PCDH9: variants seen among roughly 807,000 people sequenced by gnomAD.
The protein encoded by PCDH9 is protocadherin-9.
A neutral mutation model predicts 70.6 loss-of-function variants in PCDH9; 24 were observed. The ratio of observed to expected loss-of-function variants is 0.34; its 90% CI spans 0.25 to 0.48. The LOEUF is 0.48. Ranked by LOEUF, PCDH9 falls within the 20% of genes least tolerant of loss-of-function variation. PCDH9 has a pLI of 0.99. For missense variants in PCDH9, 1,281 were observed against 1,503.6 expected (o/e 0.85, Z 2.45); for synonymous variants, 562 against 558.5 (o/e 1.01, Z -0.09).
intron 4 of PCDH9, among the ~76,000 whole-genome samples, chr13:66,491,458 G>A (rs1959033336): frequency 6.7e-6 from 1 of 148,414 alleles, no homozygotes; most frequent in African/African-American, 2.5e-5. Flanking sequence ...ATGTAGTGAG[G>A]AACTACAGTA....
At position 66,698,960 on chromosome 13, in the gene PCDH9, G is replaced by A. The variant is rs569716390; in HGVS notation, c.3139-67549C>T. Among the ~76,000 whole-genome samples, 30 of 141,062 alleles carry A rather than the reference G, an allele frequency of 2.1e-4. No homozygotes were observed. In the Admixed American group the frequency reaches 2.4e-3, roughly 11 times the overall value. 92.5% of individuals were successfully genotyped at this position (141,062 alleles called of 152,430 possible). On this transcript the variant is annotated intron_variant, in intron 3 of 4. Transcript: ENST00000377865. ...GATGGAGTCTCACTCTGTCGTCCAG[G>A]CTGGAGTGCAATGGTGCAATCTCGG... is the stretch of plus-strand genomic sequence containing the variant.
At chr13:66,790,420 G>T (rs1359717002) in intron 3 of PCDH9, among the ~76,000 whole-genome samples, 1 of 151,948 alleles carries the variant, frequency 6.6e-6, no homozygotes, top group African/African-American at 2.4e-5. Context: ...ACAAAGAGAG[G>T]TTCTAATTTT....
intron 2 of PCDH9, among the ~76,000 whole-genome samples, chr13:67,084,851 C>CAGCT (rs1458896729): frequency 6.7e-6 from 1 of 149,690 alleles, no homozygotes; most frequent in Non-Finnish European, 1.5e-5. Context: ...CCTGTAGTCC[C>CAGCT]AGCTACTCAG....
intron 2 of PCDH9, among the ~76,000 whole-genome samples, chr13:66,994,715 TCTC>T (rs2084074895): frequency 2.0e-5 from 3 of 152,172 alleles, no homozygotes; most frequent in African/African-American, 7.2e-5. Context: ...TGTCATCTGA[TCTC>T]CTTTTTTGAG....
chr13:67,009,115 C>T (rs1417507972), intron 2 of PCDH9, among the ~76,000 whole-genome samples: 1 of 152,024 alleles, frequency 6.6e-6, no homozygotes, highest in African/African-American at 2.4e-5. Flanking sequence ...CAAACATTAG[C>T]GTTCATCTCA....
chr13:66,546,713 A>G (rs977135720), intron 4 of PCDH9, among the ~76,000 whole-genome samples: 1 of 152,138 alleles, frequency 6.6e-6, no homozygotes, highest in Non-Finnish European at 1.5e-5. Flanking sequence ...CTCACTGCTC[A>G]CTCACTGACT....
At chr13:66,795,271 A>G (rs2080223923) in intron 3 of PCDH9, among the ~76,000 whole-genome samples, 1 of 152,132 alleles carries the variant, frequency 6.6e-6, no homozygotes, top group South Asian at 2.1e-4. Flanking sequence ...TGCTTTGAAC[A>G]TTCTTTGAGA....
chr13:66,927,867 T>C (rs886191506), intron 2 of PCDH9, among the ~76,000 whole-genome samples: 1 of 152,094 alleles, frequency 6.6e-6, no homozygotes, highest in Admixed American at 6.6e-5. Flanking sequence ...TTCAACATAT[T>C]AATTTTGGGG....
intron 2 of PCDH9, chr13:67,212,159 A>G (rs972834098): frequency 5.9e-5 from 9 of 152,250 alleles, no homozygotes; most frequent in African/African-American, 2.2e-4. Flanking sequence ...GAAAAAGTAC[A>G]TTTCCCTCCA....
chr13:67,225,274 G>A lies in PCDH9; in HGVS notation c.3036+131C>T, dbSNP rs1192934622. 22 of 1,284,658 alleles carry A rather than the reference G, an allele frequency of 1.7e-5. No individual in the cohort carries two copies. In the Admixed American group the frequency reaches 5.0e-4, roughly 29 times the overall value. 79.6% of individuals were successfully genotyped at this position (1,284,658 alleles called of 1,614,324 possible). Reference sequence around the variant, plus strand: ...TGAGCCCCAGAGGAATAGAAAAGGGGTCAAGTTTTTTTTTACCTCTTTCTA... The same window carrying A: ...TGAGCCCCAGAGGAATAGAAAAGGGATCAAGTTTTTTTTTACCTCTTTCTA... On this transcript the variant is annotated intron_variant, in intron 2 of 4. Coordinates refer to ENST00000377865, the MANE Select transcript of PCDH9 (RefSeq NM_203487.3).
intron 3 of PCDH9, among the ~76,000 whole-genome samples, chr13:66,842,567 A>G (rs1837984667): frequency 6.6e-6 from 1 of 152,180 alleles, no homozygotes; most frequent in South Asian, 2.1e-4. Context: ...CTCATATTAT[A>G]GAAATAGGGA....
chr13:66,422,355 C>T (rs972706721), intron 4 of PCDH9, among the ~76,000 whole-genome samples: 1 of 152,188 alleles, frequency 6.6e-6, no homozygotes, highest in Non-Finnish European at 1.5e-5. Context: ...ACAGAATATA[C>T]ATTCTTTTCA....
intron 3 of PCDH9, among the ~76,000 whole-genome samples, chr13:66,845,294 T>G (rs1177397456): frequency 6.6e-6 from 1 of 152,158 alleles, no homozygotes; most frequent in Non-Finnish European, 1.5e-5. Flanking sequence ...GTGCCCAAAG[T>G]CCAGAGGGGG....
At chr13:66,713,625 G>GTGTATATATATATATA (rs1379996611) in intron 3 of PCDH9, among the ~76,000 whole-genome samples, 29 of 109,996 alleles carry the variant, frequency 2.6e-4, no homozygotes, top group Middle Eastern at 5.5e-3. Context: ...GTGTGTGTGT[G>GTGTATATATATATATA]TATATATATA....
chr13:66,935,579 G>A (rs2082902865), intron 2 of PCDH9, among the ~76,000 whole-genome samples: 1 of 152,032 alleles, frequency 6.6e-6, no homozygotes, highest in African/African-American at 2.4e-5. Flanking sequence ...TAATGCATAG[G>A]AAAATTTGTG....
intron 4 of PCDH9, among the ~76,000 whole-genome samples, chr13:66,387,617 T>C (rs1956951470): frequency 6.6e-6 from 1 of 151,646 alleles, no homozygotes; most frequent in Admixed American, 6.6e-5. Context: ...TGCCCTGTGA[T>C]ACTGACTCCC....
chr13:67,071,606 C>T (rs898158987), intron 2 of PCDH9, among the ~76,000 whole-genome samples: 2 of 151,722 alleles, frequency 1.3e-5, no homozygotes, highest in Non-Finnish European at 2.9e-5. Flanking sequence ...TAAGAGAATG[C>T]TTTAGGCTGG....
At chr13:66,834,442 C>T (rs927170828) in intron 3 of PCDH9, among the ~76,000 whole-genome samples, 1 of 151,986 alleles carries the variant, frequency 6.6e-6, no homozygotes, top group Non-Finnish European at 1.5e-5. Flanking sequence ...ACTCCCAGCC[C>T]CTGATGGTCT....
intron 2 of PCDH9, among the ~76,000 whole-genome samples, chr13:66,995,553 G>A (rs982422031): frequency 6.6e-6 from 1 of 152,110 alleles, no homozygotes; most frequent in African/African-American, 2.4e-5. Flanking sequence ...AAGTTTTGAG[G>A]TTGGGTTAGG....
Sources: gnomAD v4.1 joint callset for allele counts (sites outside exome capture counted in the v4.1 genomes callset) on GRCh38, gnomAD v4.1.1 for gene constraint, MANE v1.5 for transcripts, NCBI Gene and HGNC (gene_info 2026-07-23, HGNC 2026-07-21) for gene names.